ELF5: variants seen among roughly 807,000 people sequenced by gnomAD.
The protein encoded by ELF5 is ETS-related transcription factor Elf-5.
In ELF5, 31 loss-of-function variants were observed where a neutral mutation model predicts 38.2. That is an observed-to-expected ratio of 0.81 (90% CI 0.61 to 1.10). The LOEUF is 1.10. Ranked by LOEUF, ELF5 falls within the 50% of genes least tolerant of loss-of-function variation. ELF5 has a pLI of 0.00. For missense variants in ELF5, 300 were observed against 306.6 expected, an observed-to-expected ratio of 0.98 and a Z score of 0.16; for synonymous variants, 121 against 112.5, an observed-to-expected ratio of 1.08 and a Z score of -0.48.
At chr11:34,497,665 A>G (rs1850350672) in intron 2 of ELF5, among the ~76,000 whole-genome samples, 1 of 152,216 alleles carries the variant, frequency 6.6e-6, no homozygotes, top group South Asian at 2.1e-4. Context: ...GCCAAAGTGC[A>G]CAATGGCTAC....
intron 2 of ELF5, among the ~76,000 whole-genome samples, chr11:34,504,023 G>C (rs1850542973): frequency 1.3e-5 from 2 of 152,170 alleles, no homozygotes; most frequent in African/African-American, 4.8e-5. Flanking sequence ...GGGGCAGCTG[G>C]TTGTAGCCCG....
At chr11:34,499,337 G>A (rs775137240) in intron 2 of ELF5, among the ~76,000 whole-genome samples, 16 of 152,044 alleles carry the variant, frequency 1.1e-4, no homozygotes, top group Non-Finnish European at 1.6e-4. Flanking sequence ...ACCCTCCTGG[G>A]CTCAAGCAAT....
At chr11:34,512,551 C>T (rs1850787511) in intron 1 of ELF5, among the ~76,000 whole-genome samples, 1 of 150,604 alleles carries the variant, frequency 6.6e-6, no homozygotes, top group South Asian at 2.1e-4. Context: ...TGCCCCTCTT[C>T]GAACTACGGT....
chr11:34,491,990 T>A (rs1378205069), intron 3 of ELF5: 5 of 152,150 alleles, frequency 3.3e-5, no homozygotes, highest in Non-Finnish European at 7.3e-5. Context: ...ACAAATGAGG[T>A]TGACTTGACA....
At chr11:34,497,747 T>G (rs1850352304) in intron 2 of ELF5, among the ~76,000 whole-genome samples, 1 of 152,274 alleles carries the variant, frequency 6.6e-6, no homozygotes, top group Admixed American at 6.5e-5. Flanking sequence ...ATCTCCTGAT[T>G]TCTATTTTCA....
chr11:34,494,613 CA>C (rs1466377342), intron 2 of ELF5, among the ~76,000 whole-genome samples: 2 of 152,110 alleles, frequency 1.3e-5, no homozygotes, highest in Admixed American at 6.5e-5. Context: ...TTGCCTGGCC[CA>C]GGGGTAGAGA....
In ELF5 at chr11:34,491,781, G is replaced by A. The variant is rs1850179981; in HGVS notation, c.355+1698C>T. On this transcript the variant is annotated intron_variant, in intron 3 of 6. Transcript: ENST00000257832. ...AGTAGAGACGGGGTTTCACCATGTT[G>A]GCCAGGCTTGTCTCGAATTCCTGAC... The A allele has an allele frequency of 2.0e-5, 3 of 152,084 alleles. No homozygotes were observed. The South Asian group carries it at 6.2e-4, about 32-fold the overall frequency. The allele number at this position is 152,084 out of a possible 1,614,324, so 9.4% of individuals were successfully genotyped here.
At chr11:34,488,948 A>T (rs1850084841) in intron 4 of ELF5, among the ~76,000 whole-genome samples, 1 of 152,194 alleles carries the variant, frequency 6.6e-6, no homozygotes, top group Admixed American at 6.5e-5. Context: ...CAGATGGATC[A>T]CAAGGGATTC....
chr11:34,492,958 T>C (rs899206724), intron 3 of ELF5: 1 of 170,156 alleles, frequency 5.9e-6, no homozygotes, highest in African/African-American at 2.4e-5. Flanking sequence ...ATTGAAAAAA[T>C]GTTCATCGAC....
At chr11:34,502,471 G>A (rs897420518) in intron 2 of ELF5, among the ~76,000 whole-genome samples, 2 of 152,246 alleles carry the variant, frequency 1.3e-5, no homozygotes, top group African/African-American at 4.8e-5. Flanking sequence ...GCACCTCTCT[G>A]GGTGGCAACG....
At chr11:34,502,667 G>A (rs944007731) in intron 2 of ELF5, among the ~76,000 whole-genome samples, 3 of 152,242 alleles carry the variant, frequency 2.0e-5, no homozygotes, top group Non-Finnish European at 4.4e-5. Flanking sequence ...GAAATCCCGA[G>A]GGCCGGTGGC....
At chr11:34,493,742 A>G (rs754133928) in intron 2 of ELF5, 30 bp from the exon 3 acceptor site, 7 of 1,597,784 alleles carry the variant, frequency 4.4e-6, no homozygotes, top group Non-Finnish European at 6.0e-6. Context: ...AGTGAGGGAC[A>G]ACAGTCCCAA....
At chr11:34,503,613 C>T (rs1850530603) in intron 2 of ELF5, among the ~76,000 whole-genome samples, 1 of 151,502 alleles carries the variant, frequency 6.6e-6, no homozygotes, top group Non-Finnish European at 1.5e-5. Context: ...CATACCAGGC[C>T]AATTTTTAAA....
At chr11:34,508,198 C>T (rs1442515304) in intron 1 of ELF5, among the ~76,000 whole-genome samples, 1 of 152,160 alleles carries the variant, frequency 6.6e-6, no homozygotes, top group African/African-American at 2.4e-5. Context: ...TTTGTAAAGC[C>T]TGCAGTTAAA....
chr11:34,509,236 A>G (rs892763547), intron 1 of ELF5, among the ~76,000 whole-genome samples: 1 of 152,154 alleles, frequency 6.6e-6, no homozygotes, highest in Admixed American at 6.5e-5. Context: ...AGGTTGAGGC[A>G]TGAGAATCAC....
intron 2 of ELF5, among the ~76,000 whole-genome samples, chr11:34,495,948 T>A (rs4756156): frequency 0.14 from 21,070 of 152,224 alleles, 1,588 homozygotes; most frequent in Admixed American, 0.21. Context: ...TTATGAGCCT[T>A]GACATTTTTC....
intron 5 of ELF5, among the ~76,000 whole-genome samples, chr11:34,481,869 A>G (rs1375355822): frequency 1.3e-5 from 2 of 152,204 alleles, no homozygotes; most frequent in Non-Finnish European, 2.9e-5. Context: ...TAGAGGATTT[A>G]ATGATTTAAT....
intron 2 of ELF5, among the ~76,000 whole-genome samples, chr11:34,499,642 G>A (rs1182030456): frequency 6.6e-6 from 1 of 152,236 alleles, no homozygotes; most frequent in Non-Finnish European, 1.5e-5. Flanking sequence ...TGTCCCTCTG[G>A]AGCAGAACTT....
At chr11:34,512,955 A>G (rs1414072393) in intron 1 of ELF5, among the ~76,000 whole-genome samples, 1 of 152,092 alleles carries the variant, frequency 6.6e-6, no homozygotes, top group Non-Finnish European at 1.5e-5. Context: ...GTGATGTCTG[A>G]CACACTTTCG....
Sources: allele counts gnomAD v4.1 joint callset (sites outside exome capture counted in the v4.1 genomes callset), GRCh38; gene constraint gnomAD v4.1.1; transcripts MANE v1.5; gene names NCBI Gene and HGNC (gene_info 2026-07-23, HGNC 2026-07-21).